MGAM: variants seen among roughly 807,000 people sequenced by gnomAD.
The protein encoded by MGAM is alpha-1,4-glucosidase.
MGAM carries 253 observed loss-of-function variants against 358.8 expected under a neutral mutation model. That is an observed-to-expected ratio of 0.71 (90% CI 0.64 to 0.78). The LOEUF is 0.78. Ranked by LOEUF, MGAM falls within the 30% of genes least tolerant of loss-of-function variation. The pLI is 0.00. For synonymous variants in MGAM, 1,105 were observed against 1,227.1 expected, an observed-to-expected ratio of 0.90 and a Z score of 2.08; for missense variants, 3,080 against 3,432.6, an observed-to-expected ratio of 0.90 and a Z score of 2.57.
In MGAM at chr7:142,095,605, T is replaced by C; in HGVS notation, c.7499T>C (p.Ile2500Thr). Residue 2500 changes from isoleucine to threonine, a missense_variant, in exon 64 of 71, where the codon ATT becomes ACT. Coordinates refer to ENST00000475668, the MANE Select transcript of MGAM (RefSeq NM_001365693.1). Reference protein sequence around the residue: ...PVSWDVAFVNISRTVLQTRYT... With the variant: ...PVSWDVAFVNTSRTVLQTRYT... The stretch of plus-strand genomic sequence containing the variant: ...TCCTGGGATGTTGCTTTTGTGAATA[T>C]TTCCAGAACTGTCCTGCAGACCAGA... 1 of 1,613,850 alleles carries C rather than the reference T, an allele frequency of 6.2e-7. No homozygotes were observed. Among genetic ancestry groups the C allele is most frequent in the Non-Finnish European group, 8.5e-7 (1 of 1,179,772 alleles).
rs561028711 is a variant in MGAM, at chr7:142,025,491, C to T, written c.982+342C>T. 6.6e-5 allele frequency among the ~76,000 whole-genome samples: 10 copies of T among 152,282 alleles called. No homozygotes were observed. In the South Asian group the frequency reaches 2.1e-3, roughly 32 times the overall value. ...GTCTTCAGCCCTGTAGTCAGTAGAT[C>T]CCAGTGGCAATGAATTGCCATAGGG... is the stretch of plus-strand genomic sequence containing the variant. On this transcript the variant is annotated intron_variant, in intron 8 of 70. Transcript: ENST00000475668.
rs111847218 is a variant in MGAM, at chr7:142,003,211, A to G, written c.-2-2318A>G. On this transcript the variant is annotated intron_variant, in intron 1 of 70. Transcript: ENST00000475668. ...AATATTATTCTTCACAGGTTTAGAA[A>G]AAACAATCCTAAAATTCATATGGAA... Among the ~76,000 whole-genome samples the G allele has an allele frequency of 3.1e-3, 478 of 152,252 alleles. 4 individuals are homozygous for G. Among genetic ancestry groups the G allele is most frequent in the African/African-American group, 0.01 (434 of 41,580 alleles).
rs577677464 is a variant in MGAM at position 142,078,965 on chromosome 7, G to A, written c.5804G>A (p.Arg1935His). The A allele has an allele frequency of 1.9e-4, 300 of 1,555,490 alleles. 25 individuals carry two copies. The African/African-American group carries it at 3.0e-3, about 16-fold the overall frequency. ...CCTTCCACACCCGTGAACCCCCTTCGCCTGGATGTCACTTACCATAAGAAT... is the reference window on the plus strand; with the variant it reads ...CCTTCCACACCCGTGAACCCCCTTCACCTGGATGTCACTTACCATAAGAAT... ...AFPSTPVNPL[R>H]LDVTYHKNEM... The change falls in exon 49 of 71, where the codon CGC becomes CAC. Residue 1935 changes from arginine (R) to histidine (H), a missense_variant. Physicochemically the swap from Arg to His is conservative, Grantham distance 29 (BLOSUM62 0). Transcript: ENST00000475668.
Position 142,017,887 on chromosome 7 carries a change from GA to G in MGAM, c.328-1304del, listed in dbSNP as rs565927817. On this transcript the variant is annotated intron_variant, in intron 3 of 70. Coordinates refer to ENST00000475668, the MANE Select transcript of MGAM (RefSeq NM_001365693.1). The stretch of plus-strand genomic sequence containing the variant: ...TTAGAGATACTCAACCCAGAGTATA[GA>G]AAAAAAAGAAATGGATAGTAAGAGA... 3.2e-4 allele frequency among the ~76,000 whole-genome samples: 48 copies of G among 152,026 alleles called. No individual in the cohort carries two copies. The East Asian group carries it at 3.3e-3, about 10-fold the overall frequency.
rs199672495 is a variant in MGAM at position 142,074,115 on chromosome 7, C to G, written c.5217C>G (p.Ala1739=). The change falls in exon 45 of 71, where the codon GCC becomes GCG. Residue 1739 remains alanine, a synonymous_variant. Coordinates refer to ENST00000475668, the MANE Select transcript of MGAM (RefSeq NM_001365693.1). ...SRKNPLGLII[A]LDENKEAKGE... is the part of the protein sequence containing the mutation. ...AGAACCCTCTTGGTCTTATTATTGCCCTAGATGAAAACAAAGAAGCAAAAG... is the reference window on the plus strand; with the variant it reads ...AGAACCCTCTTGGTCTTATTATTGCGCTAGATGAAAACAAAGAAGCAAAAG... The G allele has an allele frequency of 6.6e-5, 102 of 1,544,458 alleles. 19 individuals carry two copies. Among genetic ancestry groups the G allele is most frequent in the Middle Eastern group, 3.4e-4 (2 of 5,960 alleles).
At chr7:142,074,480 T>C (rs915406243) in intron 45 of MGAM, among the ~76,000 whole-genome samples, 3 of 146,396 alleles carry the variant, frequency 2.0e-5, no homozygotes, top group African/African-American at 7.3e-5. Context: ...TCTATGTTAA[T>C]GTCTTCCTCC....
chr7:142,080,111 A>G lies in MGAM; in HGVS notation c.5848-680A>G, dbSNP rs1007234482. On this transcript the variant is annotated intron_variant, in intron 49 of 70. Transcript: ENST00000475668. ...TTGGTTAATGACTACCAAGTTTCTA[A>G]TACTCTAGATTGTATTTCTCCTGGG... Among the ~76,000 whole-genome samples the G allele has an allele frequency of 4.8e-5, 7 of 146,508 alleles. 1 individual carries two copies. Among genetic ancestry groups the G allele is most frequent in the Non-Finnish European group, 9.3e-5 (6 of 64,692 alleles).
chr7:142,050,579 G>A (rs1408532715), intron 23 of MGAM, 118 bp from the exon 24 acceptor site: 9 of 1,074,610 alleles, frequency 8.4e-6, no homozygotes, highest in Non-Finnish European at 6.9e-6. Flanking sequence ...AGTAGAGAAA[G>A]CAGAGAGGCA....
At position 142,067,387 on chromosome 7, in the gene MGAM, C is replaced by T. The variant is rs368560981; in HGVS notation, c.4966C>T (p.Leu1656=). The change falls in exon 42 of 71, where the codon CTG becomes TTG. Residue 1656 remains leucine (L), a synonymous_variant. Coordinates refer to ENST00000475668, the MANE Select transcript of MGAM (RefSeq NM_001365693.1). ...ATGGGACATAGACAGTCAGTTCCTG[C>T]TGGGCCCAGCCTTCCTGGTCAGCCC... The part of the protein sequence containing the change: ...VTWDIDSQFL[L]GPAFLVSPVL... 1.3e-6 allele frequency: 2 copies of T among 1,551,844 alleles called. No individual in the cohort carries two copies. The highest frequency in any genetic ancestry group is 1.3e-5 in the African/African-American group (1 of 74,280).
In MGAM at chr7:142,072,290, A is replaced by G. The variant is rs1220247839; in HGVS notation, c.5186+1172A>G. 4.8e-5 allele frequency among the ~76,000 whole-genome samples: 7 copies of G among 146,036 alleles called. 2 individuals carry two copies. The highest frequency in any genetic ancestry group is 1.2e-4 in the African/African-American group (5 of 41,090). The stretch of plus-strand genomic sequence containing the variant: ...ATGCCAAAAAACTGGCGATTTCCCA[A>G]ACATACCCATGTATTTTACTGCATG... On this transcript the variant is annotated intron_variant, in intron 44 of 70. Coordinates refer to ENST00000475668, the MANE Select transcript of MGAM (RefSeq NM_001365693.1).
In MGAM at chr7:142,064,450, C is replaced by A; in HGVS notation, c.4412C>A (p.Pro1471Gln). The change falls in exon 37 of 71, where the codon CCA becomes CAA. Residue 1471 changes from proline to glutamine, a missense_variant. Physicochemically the swap from Pro to Gln is moderately conservative, Grantham distance 76 (BLOSUM62 -1). Around this residue, in one of 5 missense-constraint regions of MGAM, gnomAD observed 1,816 missense variants for 1,840.5 expected, o/e 0.99. Transcript: ENST00000475668. The part of the protein sequence containing the change: ...TLCMESQQIL[P>Q]DGSLVQHYNV... The stretch of plus-strand genomic sequence containing the variant: ...TGTATGGAGAGTCAGCAGATCCTCC[C>A]AGACGGCTCCCTGGTGCAGCACTAC... The A allele has an allele frequency of 1.9e-6, 3 of 1,600,484 alleles. No homozygotes were observed. The highest frequency in any genetic ancestry group is 2.7e-5 in the African/African-American group (2 of 74,760).
chr7:142,087,816 C>T (rs1814897276), intron 57 of MGAM, among the ~76,000 whole-genome samples: 2 of 146,330 alleles, frequency 1.4e-5, no homozygotes, highest in African/African-American at 4.9e-5. Context: ...GGGCACAAAT[C>T]CCAGCAGCTG....
At position 142,086,866 on chromosome 7, in the gene MGAM, C is replaced by T. The variant is rs73524536; in HGVS notation, c.6810+149C>T. ...TGTGTTGGATGTCAGTCTGTGTGCC[C>T]ATTACTTTATAGGTAGTCATACTTT... On this transcript the variant is annotated intron_variant, in intron 57 of 70. Transcript: ENST00000475668. 3,025 of 386,158 alleles carry T rather than the reference C, an allele frequency of 7.8e-3. 301 individuals carry two copies. Among genetic ancestry groups the T allele is most frequent in the African/African-American group, 0.06 (1,753 of 29,106 alleles). 23.9% of individuals were successfully genotyped at this position (386,158 alleles called of 1,614,324 possible).
At chr7:142,029,152 C>A (rs1807228542) in intron 10 of MGAM, among the ~76,000 whole-genome samples, 2 of 152,056 alleles carry the variant, frequency 1.3e-5, no homozygotes, top group Non-Finnish European at 2.9e-5. Flanking sequence ...AGTTCGAGAC[C>A]AGCCTGGCCA....
At chr7:142,040,646 T>A in intron 20 of MGAM, 76 bp from the exon 21 acceptor site, 1 of 1,551,216 alleles carries the variant, frequency 6.4e-7, no homozygotes, top group Middle Eastern at 1.7e-4. Flanking sequence ...GAGCTGTGTA[T>A]CACCAGGCAT....
intron 42 of MGAM, among the ~76,000 whole-genome samples, chr7:142,068,074 C>T (rs1444798444): frequency 1.7e-5 from 2 of 117,790 alleles, no homozygotes; most frequent in Non-Finnish European, 3.9e-5. Context: ...TCAACCTCTG[C>T]CTCCTGGGTT....
rs758328379 is a variant in MGAM, at chr7:142,075,573, T to C, written c.5276-630T>C. ...GATTAATATCAAAAAATAAGGAACA[T>C]ATGCAACTCAGTAGCAAAAGATCAA... On this transcript the variant is annotated intron_variant, in intron 45 of 70. Coordinates refer to ENST00000475668, the MANE Select transcript of MGAM (RefSeq NM_001365693.1). Among the ~76,000 whole-genome samples, 2 of 146,302 alleles carry C rather than the reference T, an allele frequency of 1.4e-5. 1 individual carries two copies. Among genetic ancestry groups the C allele is most frequent in the Non-Finnish European group, 3.1e-5 (2 of 64,592 alleles).
At chr7:141,994,819 C>G (rs935770132), upstream of MGAM, among the ~76,000 whole-genome samples, 1 of 152,208 alleles carries the variant, frequency 6.6e-6, no homozygotes, top group Admixed American at 6.5e-5. Flanking sequence ...TAAGAAGTCC[C>G]TGCTTCCCCT....
rs527561168 is a variant in MGAM, at chr7:142,034,499, C to A, written c.1787+120C>A. 11 of 997,390 alleles carry A rather than the reference C, an allele frequency of 1.1e-5. No homozygotes were observed. The East Asian group carries it at 2.9e-4, about 26-fold the overall frequency. The allele number at this position is 997,390 out of a possible 1,614,324, so 61.8% of individuals were successfully genotyped here. On this transcript the variant is annotated intron_variant, in intron 15 of 70. Transcript: ENST00000475668. Reference sequence around the variant, plus strand: ...TTTCTTAAGACAAAACAAAGCAAAACAAAACATTTAATGATACAGAATGCT... The same window carrying A: ...TTTCTTAAGACAAAACAAAGCAAAAAAAAACATTTAATGATACAGAATGCT...
Sources: gnomAD v4.1 joint callset for allele counts (sites outside exome capture counted in the v4.1 genomes callset) on GRCh38, gnomAD v4.1.1 for gene constraint, gnomAD v4.1.1 regional missense constraint, MANE v1.5 for transcripts, NCBI Gene and HGNC (gene_info 2026-07-23, HGNC 2026-07-21) for gene names.